The following TBCD variants were observed in gnomAD, a reference collection of about 807,000 sequenced individuals.
TBCD encodes the protein tubulin-specific chaperone D.
In TBCD, 105 loss-of-function variants were observed where a neutral mutation model predicts 169.3. The ratio of observed to expected loss-of-function variants is 0.62; its 90% CI spans 0.53 to 0.73. The LOEUF is 0.73. Among genes scored for constraint, TBCD ranks in the 30% least tolerant of loss-of-function variants. The pLI is 0.00. For missense variants in TBCD, 1,444 were observed against 1,600.1 expected (o/e 0.90, Z 1.66); for synonymous variants, 700 against 643.9 (o/e 1.09, Z -1.32).
At chr17:82,804,966 G>A (rs547149554) in intron 9 of TBCD, among the ~76,000 whole-genome samples, 22 of 152,354 alleles carry the variant, frequency 1.4e-4, no homozygotes, top group Non-Finnish European at 2.8e-4. Context: ...CAAAGCCTAA[G>A]CTGTTTGTCC....
chr17:82,889,905 C>T lies in TBCD; in HGVS notation c.1563+208C>T, dbSNP rs1459124573. On this transcript the variant is annotated intron_variant, in intron 16 of 38. Coordinates refer to ENST00000355528, the MANE Select transcript of TBCD (RefSeq NM_005993.5). This position sits in a 1 kb window ranked among gnomAD's most constrained non-coding sequence, Gnocchi z 5.3. ...ACCTGCATGTACAGTAATTTACACA[C>T]ACAGGCCGGAAAGCTGTGCTTTACA... Among the ~76,000 whole-genome samples, 1 of 152,256 alleles carries T rather than the reference C, an allele frequency of 6.6e-6. No individual in the cohort carries two copies. Among genetic ancestry groups the T allele is most frequent in the Non-Finnish European group, 1.5e-5 (1 of 68,048 alleles).
intron 13 of TBCD, among the ~76,000 whole-genome samples, chr17:82,826,141 T>TA (rs1368234259): frequency 1.6e-4 from 25 of 151,598 alleles, no homozygotes; most frequent in African/African-American, 6.0e-4. Flanking sequence ...GAAAATAACA[T>TA]AAACATAAAC....
intron 2 of TBCD, among the ~76,000 whole-genome samples, chr17:82,759,960 T>C (rs1046690171): frequency 6.6e-5 from 10 of 151,462 alleles, no homozygotes; most frequent in African/African-American, 2.2e-4. Context: ...GTTCTTGGCT[T>C]ACTGCAACCT....
chr17:82,887,164 T>TGCGCGCGCGC (rs1555632294), intron 15 of TBCD, among the ~76,000 whole-genome samples: 42 of 104,536 alleles, frequency 4.0e-4, no homozygotes, highest in South Asian at 1.0e-3. Context: ...TGTGTGTGTG[T>TGCGCGCGCGC]GTGTGCGCGC....
In TBCD at chr17:82,782,907, T is replaced by TGCGGGGTCGTCTTCCTGTCC. The variant is rs2049044824; in HGVS notation, c.771+1190_771+1191insGGTCGTCTTCCTGTCCGCGG. Among the ~76,000 whole-genome samples the TGCGGGGTCGTCTTCCTGTCC allele has an allele frequency of 6.6e-6, 1 of 151,180 alleles. No homozygotes were observed. Among genetic ancestry groups the TGCGGGGTCGTCTTCCTGTCC allele is most frequent in the African/African-American group, 2.4e-5 (1 of 41,038 alleles). On this transcript the variant is annotated intron_variant, in intron 7 of 38. Transcript: ENST00000355528. This position sits in a 1 kb window ranked among gnomAD's most constrained non-coding sequence, Gnocchi z 5.1. ...CTGTCCATGGCGTTGTCTTCCTGTCTGCGGTGTCGTCTTCCTGTCCATGGC... is the reference window on the plus strand; with the variant it reads ...CTGTCCATGGCGTTGTCTTCCTGTCTGCGGGGTCGTCTTCCTGTCCGCGGTGTCGTCTTCCTGTCCATGGC...
chr17:82,783,270 T>C (rs1471807034), intron 7 of TBCD, among the ~76,000 whole-genome samples: 2 of 152,198 alleles, frequency 1.3e-5, no homozygotes, highest in Non-Finnish European at 2.9e-5. Flanking sequence ...TGCAGACGTG[T>C]TTCCTGGAGC....
chr17:82,831,313 A>C lies in TBCD; in HGVS notation c.1318+16379A>C. The C allele has an allele frequency of 6.2e-7, 1 of 1,614,012 alleles. No individual in the cohort carries two copies. Among genetic ancestry groups the C allele is most frequent in the Non-Finnish European group, 8.5e-7 (1 of 1,180,016 alleles). ...CTTGGAGGAGTCTTTAGCCTCAGGA[A>C]TTGGACTTTCGAACTCGACGTGTTT... On this transcript the variant is annotated intron_variant, in intron 13 of 38. Coordinates refer to ENST00000355528, the MANE Select transcript of TBCD (RefSeq NM_005993.5). This position sits in a 1 kb window ranked among gnomAD's most constrained non-coding sequence, Gnocchi z 4.6.
In TBCD at chr17:82,835,296, C is replaced by T. The variant is rs1468586097; in HGVS notation, c.1318+20362C>T. ...CCACCCCTCCTCCCTGCACCCGTGT[C>T]CTTCCTCCCACACGCCAGGGGCCAG... On this transcript the variant is annotated intron_variant, in intron 13 of 38. Coordinates refer to ENST00000355528, the MANE Select transcript of TBCD (RefSeq NM_005993.5). This position sits in a 1 kb window ranked among gnomAD's most constrained non-coding sequence, Gnocchi z 4.5. 6.6e-6 allele frequency among the ~76,000 whole-genome samples: 1 copy of T among 152,180 alleles called. No individual in the cohort carries two copies. Among genetic ancestry groups the T allele is most frequent in the African/African-American group, 2.4e-5 (1 of 41,444 alleles).
intron 13 of TBCD, among the ~76,000 whole-genome samples, chr17:82,846,659 A>C (rs1828584171): frequency 6.6e-6 from 1 of 152,194 alleles, no homozygotes; most frequent in South Asian, 2.1e-4. Flanking sequence ...GGAAGCCGCC[A>C]GCCAGGCCTG....
chr17:82,932,804 C>T (rs1218145549), intron 34 of TBCD, 69 bp downstream of exon 34: 5 of 1,476,398 alleles, frequency 3.4e-6, no homozygotes, highest in Non-Finnish European at 4.7e-6. Flanking sequence ...AAGAAAAAGT[C>T]ATCAGACACA....
chr17:82,886,527 A>G (rs1031028625), intron 15 of TBCD, among the ~76,000 whole-genome samples: 1 of 150,650 alleles, frequency 6.6e-6, no homozygotes, highest in South Asian at 2.1e-4. Context: ...CCTACATTTA[A>G]CTGAGAAGAT....
intron 7 of TBCD, among the ~76,000 whole-genome samples, chr17:82,793,273 C>T (rs2049875765): frequency 6.6e-6 from 1 of 152,118 alleles, no homozygotes; most frequent in African/African-American, 2.4e-5. Context: ...TTTGCTCGCT[C>T]CTGGGGGAGG....
Position 82,840,951 on chromosome 17 carries a change from CTGG to C in TBCD, c.1318+26019_1318+26021del, listed in dbSNP as rs2054437130. On this transcript the variant is annotated intron_variant, in intron 13 of 38. Transcript: ENST00000355528. ...GGACGAGCTGGCCAGGACAGACAAA[CTGG>C]TTTTTTTTTTTTTTTTTTTTTTTTT... Among the ~76,000 whole-genome samples the C allele has an allele frequency of 2.9e-4, 17 of 58,000 alleles. 7 individuals carry two copies. Among genetic ancestry groups the C allele is most frequent in the South Asian group, 1.4e-3 (2 of 1,428 alleles). 38.1% of individuals were successfully genotyped at this position (58,000 alleles called of 152,430 possible).
chr17:82,765,628 C>T (rs559006348), intron 3 of TBCD, among the ~76,000 whole-genome samples: 2 of 152,294 alleles, frequency 1.3e-5, no homozygotes, highest in East Asian at 1.9e-4. Context: ...TCTGTAGCTC[C>T]TCTGTTTGAG....
intron 17 of TBCD, among the ~76,000 whole-genome samples, chr17:82,897,517 CAAAA>C (rs34695419): frequency 1.5e-5 from 2 of 134,740 alleles, no homozygotes. Flanking sequence ...GACTCCGTCT[CAAAA>C]AAAAAAAAAA....
intron 34 of TBCD, among the ~76,000 whole-genome samples, chr17:82,935,538 T>G (rs2062551655): frequency 1.3e-5 from 2 of 151,948 alleles, no homozygotes. Flanking sequence ...ATTCCATTGT[T>G]TTCATATATT....
At chr17:82,802,038 G>A (rs2050604426) in intron 9 of TBCD, among the ~76,000 whole-genome samples, 1 of 151,346 alleles carries the variant, frequency 6.6e-6, no homozygotes, top group Non-Finnish European at 1.5e-5. Flanking sequence ...CAGAGGCGGT[G>A]CGGCCTCCCT....
At chr17:82,940,221 G>GCGCACACACA (rs1356825330) in intron 37 of TBCD, among the ~76,000 whole-genome samples, 93 of 131,804 alleles carry the variant, frequency 7.1e-4, no homozygotes, top group African/African-American at 1.9e-3. Context: ...TTGCACGCGC[G>GCGCACACACA]CACACACACA....
rs1270374537 is a variant in TBCD, at chr17:82,939,354, A to G, written c.3370-13A>G. 3.1e-6 allele frequency: 5 copies of G among 1,605,156 alleles called. No individual in the cohort carries two copies. The highest frequency in any genetic ancestry group is 4.3e-6 in the Non-Finnish European group (5 of 1,176,376). ...CGCTTCCCTCCGGCAAATGCACTGC[A>G]TCCCTGTCCCAGATCCGGAAGACCA... On this transcript the variant is annotated splice_polypyrimidine_tract_variant and intron_variant, in intron 36 of 38. Coordinates refer to ENST00000355528, the MANE Select transcript of TBCD (RefSeq NM_005993.5).
Sources: allele counts gnomAD v4.1 joint callset (sites outside exome capture counted in the v4.1 genomes callset), GRCh38; gene constraint gnomAD v4.1.1; non-coding constraint Gnocchi (gnomAD v3.1); transcripts MANE v1.5; gene names NCBI Gene and HGNC (gene_info 2026-07-23, HGNC 2026-07-21).